Variants in MCTP2 observed in about 807,000 individuals in gnomAD.
MCTP2 encodes multiple C2 and transmembrane domain-containing protein 2.
MCTP2 carries 132 observed loss-of-function variants against 111.6 expected under a neutral mutation model. That is an observed-to-expected ratio of 1.18 (90% CI 1.03 to 1.37). The LOEUF is 1.37. MCTP2 is among the 40% of genes most tolerant of loss of function. MCTP2 has a pLI of 0.00. For synonymous variants in MCTP2, 395 were observed against 387.7 expected, an observed-to-expected ratio of 1.02 and a Z score of -0.22; for missense variants, 1,183 against 1,067.9, an observed-to-expected ratio of 1.11 and a Z score of -1.50.
At chr15:94,330,855 C>T (rs376933143) in intron 4 of MCTP2, among the ~76,000 whole-genome samples, 43 of 152,210 alleles carry the variant, frequency 2.8e-4, no homozygotes, top group African/African-American at 9.6e-4. Context: ...CGACTTTAGC[C>T]CCCCAAGTAG....
chr15:94,318,054 T>C (rs1313678057), intron 4 of MCTP2, among the ~76,000 whole-genome samples: 1 of 152,162 alleles, frequency 6.6e-6, no homozygotes, highest in Non-Finnish European at 1.5e-5. Context: ...CATAAACCAG[T>C]GTAGGGGTGC....
In MCTP2 at chr15:94,440,138, A is replaced by G. The variant is rs569400024; in HGVS notation, c.2086-38A>G. ...AATTTGATTGCTCCCCTAGTGTTTT[A>G]TCAAGCAGTCGTGTATTCTTATTTG... On this transcript the variant is annotated intron_variant, in intron 17 of 22. Coordinates refer to ENST00000357742, the MANE Select transcript of MCTP2 (RefSeq NM_001385001.1). 5.3e-5 allele frequency: 86 copies of G among 1,608,690 alleles called. 3 individuals carry two copies. The South Asian group carries it at 9.0e-4, about 17-fold the overall frequency.
At chr15:94,407,753 C>T (rs2081970514) in intron 17 of MCTP2, among the ~76,000 whole-genome samples, 1 of 150,120 alleles carries the variant, frequency 6.7e-6, no homozygotes. Flanking sequence ...AGAGCCAACC[C>T]TTCCAACACA....
intron 12 of MCTP2, among the ~76,000 whole-genome samples, chr15:94,376,777 C>T (rs1303111090): frequency 6.6e-6 from 1 of 152,018 alleles, no homozygotes; most frequent in African/African-American, 2.4e-5. Flanking sequence ...GTTTCTATTT[C>T]TATTGAGTGC....
At chr15:94,337,228 A>G (rs2077406888) in intron 4 of MCTP2, among the ~76,000 whole-genome samples, 1 of 152,058 alleles carries the variant, frequency 6.6e-6, no homozygotes, top group Non-Finnish European at 1.5e-5. Flanking sequence ...TGGCTTTGTA[A>G]ACCCCGGTCC....
chr15:94,467,949 A>T (rs906766838), intron 20 of MCTP2, among the ~76,000 whole-genome samples: 4 of 152,222 alleles, frequency 2.6e-5, no homozygotes, highest in African/African-American at 2.4e-5. Flanking sequence ...AATAGTGATT[A>T]ATCAGTTGGT....
At chr15:94,233,876 C>T (rs2070361572) in intron 1 of MCTP2, among the ~76,000 whole-genome samples, 1 of 152,150 alleles carries the variant, frequency 6.6e-6, no homozygotes, top group African/African-American at 2.4e-5. Flanking sequence ...TTTCTTAAAA[C>T]TTTTCTTGTA....
chr15:94,467,763 C>A (rs533228650), intron 20 of MCTP2, among the ~76,000 whole-genome samples: 19 of 152,284 alleles, frequency 1.2e-4, no homozygotes, highest in Middle Eastern at 3.4e-3. Context: ...GAACTGGATC[C>A]CGTTGTGGAG....
At position 94,340,215 on chromosome 15, in the gene MCTP2, T is replaced by G; in HGVS notation, c.797T>G (p.Leu266Ter). ...KLRVKVYDRD[L>*]TTSDFMGSAF... ...TCTTTGTAGGTATATGATCGAGATTTAACCACATCTGATTTCATGGGTTCT... is the reference window on the plus strand; with the variant it reads ...TCTTTGTAGGTATATGATCGAGATTGAACCACATCTGATTTCATGGGTTCT... The change falls in exon 6 of 23, where the codon TTA becomes TGA. Residue 266 changes from leucine (L) to a stop codon, truncating the protein, a stop_gained. Transcript: ENST00000357742. LOFTEE classifies it high-confidence loss of function. The G allele has an allele frequency of 6.2e-7, 1 of 1,612,820 alleles. No homozygotes were observed. The highest frequency in any genetic ancestry group is 8.5e-7 in the Non-Finnish European group (1 of 1,178,990).
intron 19 of MCTP2, among the ~76,000 whole-genome samples, chr15:94,443,981 C>A (rs202109504): frequency 2.2e-3 from 151 of 69,420 alleles, no homozygotes; most frequent in Non-Finnish European, 2.4e-3. Flanking sequence ...GATATTTTAC[C>A]AAAAAAAAAA....
chr15:94,467,588 G>A lies in MCTP2; in HGVS notation c.2361-2745G>A, dbSNP rs758432685. On this transcript the variant is annotated intron_variant, in intron 20 of 22. Coordinates refer to ENST00000357742, the MANE Select transcript of MCTP2 (RefSeq NM_001385001.1). The stretch of plus-strand genomic sequence containing the variant: ...CACCTTTTTTTTAAAGCTGCGTAGC[G>A]TTGCAGAGTATAAATCTAATTAATT... Among the ~76,000 whole-genome samples, 37 of 152,082 alleles carry A rather than the reference G, an allele frequency of 2.4e-4. 1 individual carries two copies. Among genetic ancestry groups the A allele is most frequent in the African/African-American group, 4.6e-4 (19 of 41,472 alleles).
chr15:94,243,640 C>T (rs1567252907), intron 1 of MCTP2, among the ~76,000 whole-genome samples: 2 of 148,454 alleles, frequency 1.3e-5, no homozygotes, highest in African/African-American at 5.0e-5. Flanking sequence ...TGCGTATATA[C>T]ATATATATGT....
At chr15:94,419,402 A>G (rs897514596) in intron 17 of MCTP2, among the ~76,000 whole-genome samples, 1 of 152,156 alleles carries the variant, frequency 6.6e-6, no homozygotes, top group Non-Finnish European at 1.5e-5. Context: ...TGGTACCGAG[A>G]GCATGACTTA....
intron 1 of MCTP2, among the ~76,000 whole-genome samples, chr15:94,250,464 G>A (rs967285495): frequency 6.6e-6 from 1 of 152,136 alleles, no homozygotes; most frequent in African/African-American, 2.4e-5. Context: ...CTGGATTTTT[G>A]TATGGATTTT....
chr15:94,362,117 C>T (rs1339639826), intron 10 of MCTP2, among the ~76,000 whole-genome samples: 1 of 152,098 alleles, frequency 6.6e-6, no homozygotes, highest in Non-Finnish European at 1.5e-5. Context: ...ACTGTGTTGC[C>T]TACCGACTCC....
At chr15:94,462,413 A>C (rs2085270903) in intron 20 of MCTP2, among the ~76,000 whole-genome samples, 1 of 152,218 alleles carries the variant, frequency 6.6e-6, no homozygotes, top group Non-Finnish European at 1.5e-5. Context: ...AAACTGGAGA[A>C]ATCTATGAAA....
chr15:94,353,698 A>G (rs1264496698), intron 8 of MCTP2, among the ~76,000 whole-genome samples: 1 of 152,196 alleles, frequency 6.6e-6, no homozygotes, highest in Non-Finnish European at 1.5e-5. Flanking sequence ...GGGACAGGTC[A>G]TGCTTTAGCT....
intron 1 of MCTP2, among the ~76,000 whole-genome samples, chr15:94,288,610 G>T (rs1407363349): frequency 1.3e-5 from 2 of 152,294 alleles, no homozygotes; most frequent in African/African-American, 4.8e-5. Flanking sequence ...ATAAAGCAGA[G>T]AGTTTTATAA....
intron 12 of MCTP2, among the ~76,000 whole-genome samples, chr15:94,382,982 G>T (rs1392768883): frequency 6.6e-6 from 1 of 152,226 alleles, no homozygotes; most frequent in Non-Finnish European, 1.5e-5. Context: ...AAATTTCTTA[G>T]GTTTTTTGGT....
Sources: gnomAD v4.1 joint callset for allele counts (sites outside exome capture counted in the v4.1 genomes callset) on GRCh38, gnomAD v4.1.1 for gene constraint, MANE v1.5 for transcripts, NCBI Gene and HGNC (gene_info 2026-07-23, HGNC 2026-07-21) for gene names.